Variants in RNF31 observed in about 807,000 individuals in gnomAD.
RNF31 encodes the protein E3 ubiquitin-protein ligase RNF31.
A neutral mutation model predicts 133.6 loss-of-function variants in RNF31; 38 were observed. The observed-to-expected ratio is 0.28, with a 90% CI of 0.22 to 0.37. The LOEUF is 0.37. Among genes scored for constraint, RNF31 ranks in the 10% least tolerant of loss-of-function variants. The pLI, the probability that RNF31 is intolerant of heterozygous loss-of-function variation, is 1.00. For synonymous variants in RNF31, 582 were observed against 552.3 expected (o/e 1.05, Z -0.75); for missense variants, 1,118 against 1,394.1 (o/e 0.80, Z 3.15).
intron 4 of RNF31, 34 bp downstream of exon 4, chr14:24,148,735 G>A (rs1474061690): frequency 6.2e-7 from 1 of 1,613,906 alleles, no homozygotes; most frequent in Non-Finnish European, 8.5e-7. Context: ...GGTGTACAAA[G>A]GAAACAGGAA....
At position 24,150,617 on chromosome 14, in the gene RNF31, C is replaced by T. The variant is rs202057821; in HGVS notation, c.1217C>T (p.Ala406Val). 81 of 1,611,576 alleles carry T rather than the reference C, an allele frequency of 5.0e-5. No homozygotes were observed. Among genetic ancestry groups the T allele is most frequent in the Non-Finnish European group, 6.6e-5 (78 of 1,178,006 alleles). The change falls in exon 8 of 21, where the codon GCC becomes GTC. Residue 406 changes from alanine to valine, a missense_variant. Ala to Val is a moderately conservative substitution (Grantham distance 64). This residue lies in a region of RNF31 where 747 missense variants were observed against 827.9 expected (regional missense o/e 0.90). Transcript: ENST00000324103. ...TCCCAGCAGGGGGATGCTTTGCTGG[C>T]CTCTGCCCAGAGTCAAGTCTGGTAC... ...QPLQQGDALL[A>V]SAQSQVWYCI...
chr14:24,150,745 GCCA>G lies in RNF31; in HGVS notation c.1346_1348del (p.Ala449_Ser450delinsGly), dbSNP rs766263659. The G allele has an allele frequency of 6.2e-7, 1 of 1,611,978 alleles. No homozygotes were observed. The highest frequency in any genetic ancestry group is 1.1e-5 in the South Asian group (1 of 90,920). ...AGCACAACATGCCCCCCGGCCCTAT[GCCA>G]GCTCTTTGGAAAAGGGACCCCCCAA... On this transcript the variant is annotated inframe_deletion, in exon 8 of 21. Transcript: ENST00000324103.
intron 18 of RNF31, among the ~76,000 whole-genome samples, chr14:24,158,987 G>T (rs2031101): frequency 0.043 from 6,223 of 143,676 alleles, 463 homozygotes; most frequent in African/African-American, 0.15. Context: ...GAGCAGAGAT[G>T]GCGCCACCGC....
At chr14:24,156,568 T>A (rs1007249439) in intron 14 of RNF31, among the ~76,000 whole-genome samples, 2 of 151,678 alleles carry the variant, frequency 1.3e-5, no homozygotes, top group African/African-American at 4.8e-5. Flanking sequence ...TCACTTGAGG[T>A]TGGGAGTTCA....
At position 24,151,068 on chromosome 14, in the gene RNF31, A is replaced by G. The variant is rs1388912521; in HGVS notation, c.1489-63A>G. The G allele has an allele frequency of 1.9e-6, 3 of 1,597,616 alleles. No individual in the cohort carries two copies. Among genetic ancestry groups the G allele is most frequent in the East Asian group, 2.2e-5 (1 of 44,612 alleles). Reference sequence around the variant, plus strand: ...ATGTCTGAGCTGAGCCACTGTCACCATCTTAGTTCAGGCTGAGGGTGGGTG... The same window carrying G: ...ATGTCTGAGCTGAGCCACTGTCACCGTCTTAGTTCAGGCTGAGGGTGGGTG... On this transcript the variant is annotated intron_variant, in intron 8 of 20. Transcript: ENST00000324103. The surrounding 1 kb of genome is among the most constrained non-coding windows in gnomAD (Gnocchi z 5.3).
At chr14:24,159,011 C>A (rs1360815632) in intron 18 of RNF31, among the ~76,000 whole-genome samples, 1 of 109,180 alleles carries the variant, frequency 9.2e-6, no homozygotes, top group Non-Finnish European at 1.7e-5. Context: ...CCAGCCTGGG[C>A]AACAGAGCGA....
chr14:24,160,221 G>A lies in RNF31; in HGVS notation c.2997-18G>A. 6.2e-7 allele frequency: 1 copy of A among 1,603,614 alleles called. No individual in the cohort carries two copies. Among genetic ancestry groups the A allele is most frequent in the Non-Finnish European group, 8.5e-7 (1 of 1,174,632 alleles). ...TATTAGCCAACACAACAAATATTCT[G>A]CTCCCTTTTCTCCCCAGGGCACACT... is the stretch of plus-strand genomic sequence containing the variant. On this transcript the variant is annotated intron_variant, in intron 19 of 20. Transcript: ENST00000324103. The surrounding 1 kb of genome is among the most constrained non-coding windows in gnomAD (Gnocchi z 4.0).
chr14:24,157,814 C>CT (rs1566616857), intron 16 of RNF31, 84 bp from the exon 17 acceptor site: 1 of 1,224,088 alleles, frequency 8.2e-7, no homozygotes, highest in African/African-American at 1.5e-5. Context: ...TCCCCTCACC[C>CT]TTACACCCCT....
At chr14:24,154,098 G>A (rs2038307567) in intron 11 of RNF31, among the ~76,000 whole-genome samples, 1 of 151,954 alleles carries the variant, frequency 6.6e-6, no homozygotes, top group Non-Finnish European at 1.5e-5. Flanking sequence ...CGGTTCAAGC[G>A]ATTCTCCTGT....
In RNF31 at chr14:24,151,758, TC is replaced by T. The variant is rs1403106045; in HGVS notation, c.1924-22del. The stretch of plus-strand genomic sequence containing the variant: ...AGGGTCCCTGGAGTCTGACAGCACT[TC>T]CCCCCTCCACCTGAATCATATTGCA... On this transcript the variant is annotated intron_variant, in intron 10 of 20. Coordinates refer to ENST00000324103, the MANE Select transcript of RNF31 (RefSeq NM_017999.5). The surrounding 1 kb of genome is among the most constrained non-coding windows in gnomAD (Gnocchi z 5.3). 9 of 1,600,276 alleles carry T rather than the reference TC, an allele frequency of 5.6e-6. No individual in the cohort carries two copies. Among genetic ancestry groups the T allele is most frequent in the Non-Finnish European group, 6.0e-6 (7 of 1,172,240 alleles).
At position 24,147,956 on chromosome 14, in the gene RNF31, T is replaced by C. The variant is rs763908739; in HGVS notation, c.193-20T>C. On this transcript the variant is annotated intron_variant, in intron 1 of 20. Coordinates refer to ENST00000324103, the MANE Select transcript of RNF31 (RefSeq NM_017999.5). Reference sequence around the variant, plus strand: ...GAGGCCCAGGCCACGCTCACACCTCTCTGCTCTCCTTGCTCCCAGCCCCGA... The same window carrying C: ...GAGGCCCAGGCCACGCTCACACCTCCCTGCTCTCCTTGCTCCCAGCCCCGA... The C allele has an allele frequency of 1.8e-5, 29 of 1,614,162 alleles. No homozygotes were observed. In the Admixed American group the frequency reaches 2.8e-4, roughly 16 times the overall value.
Position 24,147,633 on chromosome 14 carries a change from C to G in RNF31, c.-66C>G, listed in dbSNP as rs1481245691. ...GGCACCAGACGGGAGGGGCGGCGCT[C>G]GGGCCGCGCGCTGCCCGCGCCGGGT... On this transcript the variant is annotated 5_prime_UTR_variant, in exon 1 of 21. Coordinates refer to ENST00000324103, the MANE Select transcript of RNF31 (RefSeq NM_017999.5). The G allele has an allele frequency of 3.7e-6, 5 of 1,338,810 alleles. No homozygotes were observed. In the African/African-American group the frequency reaches 7.8e-5, roughly 21 times the overall value. The allele number at this position is 1,338,810 out of a possible 1,614,324, so 82.9% of individuals were successfully genotyped here. A position where few individuals can be genotyped will look rare whatever the true frequency, so the allele number is the denominator to read the frequency against.
chr14:24,152,204 A>G (rs1236900656), intron 11 of RNF31, among the ~76,000 whole-genome samples: 1 of 152,096 alleles, frequency 6.6e-6, no homozygotes, highest in African/African-American at 2.4e-5. Flanking sequence ...GCAATAGTAG[A>G]AAAATTGTAC....
chr14:24,147,493 C>T, upstream of RNF31: 1 of 421,338 alleles, frequency 2.4e-6, no homozygotes, highest in Non-Finnish European at 4.1e-6. Context: ...GTCCCACCCT[C>T]TCTCCTAGTA....
chr14:24,148,775 T>C, intron 4 of RNF31, 26 bp from the exon 5 acceptor site: 1 of 1,613,996 alleles, frequency 6.2e-7, no homozygotes, highest in South Asian at 1.1e-5. Flanking sequence ...TAAACCCTTA[T>C]TCATTCCCTG....
chr14:24,153,604 A>G (rs1705065369), intron 11 of RNF31, among the ~76,000 whole-genome samples: 1 of 150,710 alleles, frequency 6.6e-6, no homozygotes, highest in Non-Finnish European at 1.5e-5. Context: ...TAAAAAAAAT[A>G]ATAAAATACA....
chr14:24,158,756 G>C (rs918304955), intron 18 of RNF31: 1 of 152,590 alleles, frequency 6.6e-6, no homozygotes, highest in African/African-American at 2.4e-5. Context: ...GAGGTGGCCG[G>C]CCGGGCACAT....
chr14:24,151,550 C>T lies in RNF31; in HGVS notation c.1803C>T (p.His601=), dbSNP rs111795824. The T allele has an allele frequency of 1.3e-3, 2,151 of 1,614,170 alleles. 20 individuals are homozygous for T. The African/African-American group carries it at 0.024, about 18-fold the overall frequency. ...GGTCTCTCCAGGCATTGTTCCAGCA[C>T]GGAGGTGATGTGTCACGGGCCCTGA... ...EEGSLQALFQ[H]GGDVSRALTE... The change falls in exon 10 of 21, where the codon CAC becomes CAT. Residue 601 remains histidine, a synonymous_variant. Coordinates refer to ENST00000324103, the MANE Select transcript of RNF31 (RefSeq NM_017999.5). The surrounding 1 kb of genome is among the most constrained non-coding windows in gnomAD (Gnocchi z 5.3).
Position 24,155,718 on chromosome 14 carries a change from A to G in RNF31, c.2493+26A>G, listed in dbSNP as rs1202077209. 1 of 1,599,328 alleles carries G rather than the reference A, an allele frequency of 6.3e-7. No individual in the cohort carries two copies. Among genetic ancestry groups the G allele is most frequent in the Non-Finnish European group, 8.6e-7 (1 of 1,167,102 alleles). ...GTGAGGCACATTCATCCTTTCAGAA[A>G]TACTTGCTGAGCTACTGCCAGGTAC... On this transcript the variant is annotated intron_variant, in intron 14 of 20. Transcript: ENST00000324103. This position sits in a 1 kb window ranked among gnomAD's most constrained non-coding sequence, Gnocchi z 4.9.
Sources: allele counts gnomAD v4.1 joint callset (sites outside exome capture counted in the v4.1 genomes callset), GRCh38; gene constraint gnomAD v4.1.1; regional missense constraint gnomAD v4.1.1; non-coding constraint Gnocchi (gnomAD v3.1); transcripts MANE v1.5; gene names NCBI Gene and HGNC (gene_info 2026-07-23, HGNC 2026-07-21).